The following SBF2 variants were observed in gnomAD, a reference collection of about 807,000 sequenced individuals.
SBF2 encodes myotubularin-related protein 13.
SBF2 carries 112 observed loss-of-function variants against 225.2 expected under a neutral mutation model. The observed-to-expected ratio is 0.50, with a 90% CI of 0.43 to 0.58. The LOEUF is 0.58. Ranked by LOEUF, SBF2 falls within the 20% of genes least tolerant of loss-of-function variation. SBF2 has a pLI of 0.00. For missense variants in SBF2, 1,996 were observed against 2,206.2 expected (o/e 0.90, Z 1.91); for synonymous variants, 763 against 773.3 (o/e 0.99, Z 0.22).
intron 17 of SBF2, among the ~76,000 whole-genome samples, chr11:9,871,567 C>T (rs1858749619): frequency 6.6e-6 from 1 of 151,412 alleles, no homozygotes; most frequent in South Asian, 2.1e-4. Flanking sequence ...TCTCGGATCA[C>T]TGCAAGCTCC....
At chr11:10,181,642 T>C (rs1330110884) in intron 2 of SBF2, among the ~76,000 whole-genome samples, 2 of 152,124 alleles carry the variant, frequency 1.3e-5, no homozygotes, top group Non-Finnish European at 2.9e-5. Context: ...GTCAGAAATA[T>C]TCCCACCATC....
chr11:9,814,954 A>G lies in SBF2; in HGVS notation c.3978+1886T>C, dbSNP rs75218270. ...AAGTCACTGTAATTTATTGGCTTTC[A>G]TGTTTCTTTGTTGGGAGAAAAAGGT... On this transcript the variant is annotated intron_variant, in intron 29 of 39. Transcript: ENST00000256190. 2.0e-3 allele frequency among the ~76,000 whole-genome samples: 305 copies of G among 152,304 alleles called. 2 individuals carry two copies. Among genetic ancestry groups the G allele is most frequent in the Non-Finnish European group, 3.0e-3 (204 of 68,022 alleles).
chr11:9,996,576 G>C (rs1340880249), intron 9 of SBF2, among the ~76,000 whole-genome samples: 1 of 151,962 alleles, frequency 6.6e-6, no homozygotes, highest in African/African-American at 2.4e-5. Context: ...TTTTAGTAGA[G>C]ATGGGGGTTT....
intron 38 of SBF2, among the ~76,000 whole-genome samples, chr11:9,782,847 G>T (rs1310492711): frequency 1.3e-5 from 2 of 150,870 alleles, no homozygotes; most frequent in Admixed American, 6.6e-5. Context: ...TCCAGCCTGG[G>T]TGACAAAGCG....
At chr11:10,241,593 C>CA (rs1959220247) in intron 1 of SBF2, among the ~76,000 whole-genome samples, 1 of 151,982 alleles carries the variant, frequency 6.6e-6, no homozygotes. Flanking sequence ...AATCAGGAAA[C>CA]ATTACAGATC....
intron 1 of SBF2, among the ~76,000 whole-genome samples, chr11:10,235,451 C>T (rs1164628905): frequency 3.3e-5 from 5 of 149,738 alleles, no homozygotes; most frequent in South Asian, 2.2e-4. Flanking sequence ...CGCTTGAACC[C>T]GGGAGGGAGA....
At chr11:10,018,361 T>C (rs552519641) in intron 6 of SBF2, among the ~76,000 whole-genome samples, 2 of 152,208 alleles carry the variant, frequency 1.3e-5, no homozygotes, top group East Asian at 1.9e-4. Context: ...TATCAAATGT[T>C]ACAGAGCACA....
chr11:9,979,882 T>C (rs1187707327), intron 13 of SBF2, among the ~76,000 whole-genome samples: 2 of 151,452 alleles, frequency 1.3e-5, no homozygotes, highest in Non-Finnish European at 2.9e-5. Flanking sequence ...CAATCATAGC[T>C]TACTGCAGCC....
chr11:10,000,966 G>A lies in SBF2; in HGVS notation c.809C>T (p.Thr270Met), dbSNP rs773385787. Residue 270 changes from threonine to methionine, a missense_variant, in exon 8 of 40, where the codon ACG becomes ATG. Physicochemically the swap from Thr to Met is moderately conservative, Grantham distance 81. Transcript: ENST00000256190. ...AQLLEVLSSP[T>M]PFIIGVHSVF... is the part of the protein sequence containing the mutation. Reference sequence around the variant, plus strand: ...AGAATGTACTCCAATAATGAAAGGCGTTGGGGAACTTAGAACTTCCAGTAG... The same window carrying A: ...AGAATGTACTCCAATAATGAAAGGCATTGGGGAACTTAGAACTTCCAGTAG... 9 of 1,607,160 alleles carry A rather than the reference G, an allele frequency of 5.6e-6. No homozygotes were observed. The highest frequency in any genetic ancestry group is 4.0e-5 in the African/African-American group (3 of 74,746).
At chr11:9,924,680 C>A (rs374252299) in intron 16 of SBF2, among the ~76,000 whole-genome samples, 1 of 152,216 alleles carries the variant, frequency 6.6e-6, no homozygotes, top group Non-Finnish European at 1.5e-5. Flanking sequence ...GATCCACCCC[C>A]CTCAGCCTCC....
intron 16 of SBF2, among the ~76,000 whole-genome samples, chr11:9,905,874 T>C (rs1862075168): frequency 6.6e-6 from 1 of 152,168 alleles, no homozygotes; most frequent in Admixed American, 6.5e-5. Context: ...TCAAAGAGAA[T>C]ATTAAAATCA....
chr11:9,876,885 C>T (rs766843823), intron 17 of SBF2, among the ~76,000 whole-genome samples: 2 of 152,020 alleles, frequency 1.3e-5, no homozygotes, highest in Non-Finnish European at 2.9e-5. Flanking sequence ...ATTACAGGCG[C>T]CCACCACCAT....
intron 29 of SBF2, 33 bp downstream of exon 29, chr11:9,816,807 T>C (rs980714463): frequency 1.4e-5 from 23 of 1,607,174 alleles, no homozygotes; most frequent in Non-Finnish European, 1.6e-5. Flanking sequence ...AGCGTATCCA[T>C]AAAGTTTCTA....
chr11:10,197,009 C>T (rs12284884), intron 1 of SBF2, among the ~76,000 whole-genome samples: 14,500 of 151,458 alleles, frequency 0.096, 947 homozygotes, highest in East Asian at 0.29. Flanking sequence ...CTACAATAAA[C>T]GTCTTTATTT....
At chr11:10,267,543 G>A (rs1174528845) in intron 1 of SBF2, among the ~76,000 whole-genome samples, 2 of 152,134 alleles carry the variant, frequency 1.3e-5, no homozygotes, top group Admixed American at 6.5e-5. Flanking sequence ...ATGGCCAAGG[G>A]GAAGAGGTTT....
intron 2 of SBF2, among the ~76,000 whole-genome samples, chr11:10,188,591 T>C (rs542410210): frequency 1.3e-5 from 2 of 152,316 alleles, no homozygotes; most frequent in South Asian, 4.2e-4. Flanking sequence ...ATAAGCAGAA[T>C]TGAGAGACAC....
intron 16 of SBF2, among the ~76,000 whole-genome samples, chr11:9,903,343 G>A (rs909860312): frequency 6.6e-6 from 1 of 151,776 alleles, no homozygotes; most frequent in African/African-American, 2.4e-5. Flanking sequence ...AAAAGAAAAG[G>A]GAAACAATCA....
At chr11:10,174,042 A>G (rs947013318) in intron 2 of SBF2, among the ~76,000 whole-genome samples, 2 of 151,328 alleles carry the variant, frequency 1.3e-5, no homozygotes, top group African/African-American at 4.9e-5. Flanking sequence ...AAAAGTAGAA[A>G]AAACCACAAA....
chr11:10,204,657 CAAAAAA>C (rs75767484), intron 1 of SBF2, among the ~76,000 whole-genome samples: 1 of 136,948 alleles, frequency 7.3e-6, no homozygotes, highest in Non-Finnish European at 1.6e-5. Context: ...CACTCCATCT[CAAAAAA>C]AAAAAAAGGA....
Sources: allele counts gnomAD v4.1 joint callset (sites outside exome capture counted in the v4.1 genomes callset), GRCh38; gene constraint gnomAD v4.1.1; transcripts MANE v1.5; gene names NCBI Gene and HGNC (gene_info 2026-07-23, HGNC 2026-07-21).